The following PRR16 variants were observed in gnomAD, a reference collection of about 807,000 sequenced individuals.
PRR16 encodes protein Largen.
PRR16 carries 6 observed loss-of-function variants against 18.2 expected under a neutral mutation model. The observed-to-expected ratio is 0.33, with a 90% CI of 0.18 to 0.65. PRR16 has a LOEUF of 0.65. Among genes scored for constraint, PRR16 ranks in the 30% least tolerant of loss-of-function variants. The pLI, the probability that PRR16 is intolerant of heterozygous loss-of-function variation, is 0.74. For synonymous variants in PRR16, 151 were observed against 147.8 expected, an observed-to-expected ratio of 1.02 and a Z score of -0.16; for missense variants, 412 against 376.6, an observed-to-expected ratio of 1.09 and a Z score of -0.78.
At chr5:120,738,765 T>C in the PRR16 span, among the ~76,000 whole-genome samples, 3 of 152,162 alleles carry the variant, frequency 2.0e-5, no homozygotes, top group Non-Finnish European at 4.4e-5. Flanking sequence ...TGATTTGTGC[T>C]GAGTGTCAGT....
intron 1 of PRR16, among the ~76,000 whole-genome samples, chr5:120,679,834 G>T (rs932951687): frequency 3.3e-5 from 5 of 152,096 alleles, no homozygotes; most frequent in African/African-American, 1.2e-4. Context: ...TGGTTACCAT[G>T]GTCTGAGTTG....
At chr5:120,646,003 C>G (rs1755580193) in intron 1 of PRR16, among the ~76,000 whole-genome samples, 1 of 137,684 alleles carries the variant, frequency 7.3e-6, no homozygotes, top group African/African-American at 2.7e-5. Context: ...CAGGAGTTAG[C>G]CAAAATATGA....
At chr5:120,760,839 G>T in the PRR16 span, among the ~76,000 whole-genome samples, 1 of 152,072 alleles carries the variant, frequency 6.6e-6, no homozygotes, top group Admixed American at 6.6e-5. Flanking sequence ...ATTGAGCTCC[G>T]GTAGCACAAT....
the PRR16 span, among the ~76,000 whole-genome samples, chr5:120,718,077 G>A: frequency 1.3e-5 from 2 of 152,058 alleles, no homozygotes; most frequent in South Asian, 4.1e-4. Flanking sequence ...GAACATTATT[G>A]AAAGTTCATA....
At chr5:120,590,567 C>A (rs1313229332) in intron 1 of PRR16, among the ~76,000 whole-genome samples, 1 of 151,970 alleles carries the variant, frequency 6.6e-6, no homozygotes, top group Admixed American at 6.6e-5. Flanking sequence ...TAAATTATAG[C>A]TAATTTATCT....
chr5:120,767,928 TAA>T, the PRR16 span, among the ~76,000 whole-genome samples: 3 of 151,862 alleles, frequency 2.0e-5, no homozygotes, highest in Non-Finnish European at 4.4e-5. Flanking sequence ...TATATCACAA[TAA>T]AAGTGTTTTT....
chr5:120,740,272 T>G, the PRR16 span, among the ~76,000 whole-genome samples: 241 of 152,290 alleles, frequency 1.6e-3, 5 homozygotes, highest in Non-Finnish European at 2.4e-3. Context: ...GTCTGTCAGA[T>G]TTCTTCACTA....
intron 1 of PRR16, among the ~76,000 whole-genome samples, chr5:120,544,324 A>C (rs147523184): frequency 6.6e-6 from 1 of 152,272 alleles, no homozygotes; most frequent in African/African-American, 2.4e-5. Context: ...GTTAGCACAT[A>C]ATTTTATTTA....
intron 1 of PRR16, among the ~76,000 whole-genome samples, chr5:120,615,691 A>C (rs943663670): frequency 1.3e-5 from 2 of 152,028 alleles, no homozygotes; most frequent in Non-Finnish European, 2.9e-5. Context: ...TGCATACTCT[A>C]TTCATTAGAT....
chr5:120,680,799 A>T (rs1054200323), intron 1 of PRR16, among the ~76,000 whole-genome samples: 2 of 152,124 alleles, frequency 1.3e-5, no homozygotes, highest in African/African-American at 4.8e-5. Context: ...AGTAAGACTG[A>T]GTGTGTGGTT....
At chr5:120,615,052 G>GGA (rs1554088418) in intron 1 of PRR16, among the ~76,000 whole-genome samples, 1 of 151,136 alleles carries the variant, frequency 6.6e-6, no homozygotes, top group Non-Finnish European at 1.5e-5. Context: ...CTGTATAACG[G>GGA]AAAAAAAAAT....
At chr5:120,743,209 T>G in the PRR16 span, among the ~76,000 whole-genome samples, 1 of 152,194 alleles carries the variant, frequency 6.6e-6, no homozygotes, top group South Asian at 2.1e-4. Flanking sequence ...TGTGGTCTAT[T>G]TTCGGGCATT....
chr5:120,578,270 A>AT (rs1217494942), intron 1 of PRR16, among the ~76,000 whole-genome samples: 1 of 151,950 alleles, frequency 6.6e-6, no homozygotes, highest in Non-Finnish European at 1.5e-5. Context: ...AGTTACTATA[A>AT]TTTTTTTCTT....
At chr5:120,492,183 C>T (rs1011659046) in intron 1 of PRR16, among the ~76,000 whole-genome samples, 1 of 149,736 alleles carries the variant, frequency 6.7e-6, no homozygotes, top group Non-Finnish European at 1.5e-5. Context: ...CTCCTAGGCT[C>T]AAGTGATCCA....
the PRR16 span, among the ~76,000 whole-genome samples, chr5:120,692,465 C>G: frequency 6.6e-6 from 1 of 152,096 alleles, no homozygotes; most frequent in African/African-American, 2.4e-5. Context: ...ATCTTACTGG[C>G]GCTTTTACAT....
intron 1 of PRR16, among the ~76,000 whole-genome samples, chr5:120,655,374 C>CT (rs5870910): frequency 0.23 from 22,236 of 95,592 alleles, 1,931 homozygotes; most frequent in South Asian, 0.4. Context: ...AATAATTGAC[C>CT]TTTTTTTTTT....
intron 1 of PRR16, among the ~76,000 whole-genome samples, chr5:120,551,279 C>T (rs1940641274): frequency 1.3e-5 from 2 of 151,942 alleles, no homozygotes; most frequent in Admixed American, 6.6e-5. Flanking sequence ...CTTCCTGAGT[C>T]TGGCTTATTT....
the PRR16 span, among the ~76,000 whole-genome samples, chr5:120,788,408 A>G: frequency 6.6e-6 from 1 of 152,124 alleles, no homozygotes; most frequent in Non-Finnish European, 1.5e-5. Flanking sequence ...TTTCAAATCC[A>G]TGAATTATGT....
chr5:120,529,907 CT>C (rs540127776), intron 1 of PRR16, among the ~76,000 whole-genome samples: 3 of 150,066 alleles, frequency 2.0e-5, no homozygotes, highest in East Asian at 2.0e-4. Flanking sequence ...ATACAGCAGG[CT>C]TTTTTTTTCT....
Sources: allele counts gnomAD v4.1 joint callset (sites outside exome capture counted in the v4.1 genomes callset), GRCh38; gene constraint gnomAD v4.1.1; transcripts MANE v1.5; gene names NCBI Gene and HGNC (gene_info 2026-07-23, HGNC 2026-07-21).